SHOC2: variants seen among roughly 807,000 people sequenced by gnomAD.
The protein encoded by SHOC2 is SHOC2 leucine rich repeat scaffold protein, also known as leucine-rich repeat protein SHOC-2.
SHOC2 carries 4 observed loss-of-function variants against 50.2 expected under a neutral mutation model. The observed-to-expected ratio is 0.08, with a 90% confidence interval of 0.04 to 0.18. The LOEUF is 0.18. SHOC2 is among the 10% of genes least tolerant of loss of function. The pLI is 1.00. For synonymous variants in SHOC2, 218 were observed against 244.5 expected (o/e 0.89, Z 1.01); for missense variants, 388 against 669.6 (o/e 0.58, Z 4.64).
rs746934269 is a variant in SHOC2, at chr10:110,976,316, C to CTT, written c.704-9300_704-9299dup. ...GTTTATTTTAAAATCTTTATTTTGC[C>CTT]TTTTTTTTTTTTTGAGGCAGGATCT... On this transcript the variant is annotated intron_variant, in intron 2 of 8. Transcript: ENST00000369452. 7.0e-5 allele frequency among the ~76,000 whole-genome samples: 10 copies of CTT among 142,918 alleles called. 1 individual carries two copies. In the East Asian group the frequency reaches 1.8e-3, roughly 26 times the overall value. The allele number at this position is 142,918 out of a possible 152,430, so 93.8% of individuals were successfully genotyped here. A position where few individuals can be genotyped will look rare whatever the true frequency, so the allele number is the denominator to read the frequency against.
intron 1 of SHOC2, among the ~76,000 whole-genome samples, chr10:110,930,140 G>T (rs1846862037): frequency 6.6e-6 from 1 of 152,064 alleles, no homozygotes; most frequent in Non-Finnish European, 1.5e-5. Flanking sequence ...AATTATAAAA[G>T]TTCTATTTAA....
intron 1 of SHOC2, among the ~76,000 whole-genome samples, chr10:110,934,358 G>A (rs765776312): frequency 6.6e-5 from 10 of 152,102 alleles, no homozygotes; most frequent in Non-Finnish European, 1.3e-4. Flanking sequence ...ATTAAATTAT[G>A]ATATAGCCAT....
intron 1 of SHOC2, among the ~76,000 whole-genome samples, chr10:110,962,796 G>T (rs1279984261): frequency 6.6e-6 from 1 of 152,096 alleles, no homozygotes; most frequent in African/African-American, 2.4e-5. Flanking sequence ...ATTAATCCAG[G>T]ACTAGTTAGC....
At chr10:110,957,732 A>C (rs1187951616) in intron 1 of SHOC2, among the ~76,000 whole-genome samples, 1 of 152,118 alleles carries the variant, frequency 6.6e-6, no homozygotes, top group African/African-American at 2.4e-5. Flanking sequence ...TTAGGAATAC[A>C]ATTTAGATTG....
intron 4 of SHOC2, among the ~76,000 whole-genome samples, chr10:111,001,333 T>C (rs1403181268): frequency 6.6e-6 from 1 of 151,994 alleles, no homozygotes; most frequent in African/African-American, 2.4e-5. Flanking sequence ...TTTGTATTTT[T>C]AGTAGAGATG....
chr10:111,003,619 T>TA (rs1468362232), intron 4 of SHOC2, among the ~76,000 whole-genome samples: 2 of 152,180 alleles, frequency 1.3e-5, no homozygotes, highest in African/African-American at 2.4e-5. Context: ...TATTTAAAGA[T>TA]AGAGTCAGGA....
intron 1 of SHOC2, among the ~76,000 whole-genome samples, chr10:110,935,873 A>G (rs1355872241): frequency 1.3e-5 from 2 of 152,178 alleles, no homozygotes; most frequent in East Asian, 1.9e-4. Flanking sequence ...CAATTACATT[A>G]TATTCTATAG....
At chr10:111,006,553 G>A (rs1848471201) in intron 5 of SHOC2, among the ~76,000 whole-genome samples, 1 of 152,066 alleles carries the variant, frequency 6.6e-6, no homozygotes, top group Non-Finnish European at 1.5e-5. Context: ...TGTATTTTTA[G>A]TAGAGACGGG....
At chr10:110,939,570 G>A (rs115221476) in intron 1 of SHOC2, among the ~76,000 whole-genome samples, 2,048 of 152,176 alleles carry the variant, frequency 0.013, 17 homozygotes, top group Middle Eastern at 0.024. Context: ...GTAAGATATC[G>A]AGTCATCCAT....
intron 3 of SHOC2, among the ~76,000 whole-genome samples, chr10:110,986,413 A>G (rs1848077200): frequency 6.6e-6 from 1 of 152,230 alleles, no homozygotes; most frequent in Non-Finnish European, 1.5e-5. Context: ...TTTATTTAGA[A>G]AAATTACATC....
chr10:111,004,678 G>A lies in SHOC2; in HGVS notation c.1045G>A (p.Gly349Ser). Reference sequence around the variant, plus strand: ...AAATTGCTTCCAGTTGTATCCAGTGGGTGGTCCATCTCAGTTTTCTACCAT... The same window carrying A: ...AAATTGCTTCCAGTTGTATCCAGTGAGTGGTCCATCTCAGTTTTCTACCAT... Reference protein sequence around the residue: ...ARNCFQLYPVGGPSQFSTIYS... With the variant: ...ARNCFQLYPVSGPSQFSTIYS... Residue 349 changes from glycine (G) to serine (S), a missense_variant, in exon 5 of 9, where the codon GGT (glycine) becomes AGT (serine). Physicochemically the swap from Gly to Ser is moderately conservative, Grantham distance 56. Around this residue, in one of 5 missense-constraint regions of SHOC2, gnomAD observed 48 missense variants for 151.6 expected, o/e 0.32. Transcript: ENST00000369452. 6.2e-7 allele frequency: 1 copy of A among 1,612,770 alleles called. No individual in the cohort carries two copies. Among genetic ancestry groups the A allele is most frequent in the Non-Finnish European group, 8.5e-7 (1 of 1,178,858 alleles).
rs371076409 is a variant in SHOC2 at position 110,943,230 on chromosome 10, C to G, written c.-234-20895C>G. 3.2e-3 allele frequency among the ~76,000 whole-genome samples: 481 copies of G among 151,368 alleles called. 25 individuals are homozygous for G. In the South Asian group the frequency reaches 0.093, roughly 29 times the overall value. ...TCACTTCATGATATTCCACAGGTCT[C>G]TGAGGCTCCGTTTCTTTTTCTTTAT... On this transcript the variant is annotated intron_variant, in intron 1 of 8. Transcript: ENST00000369452.
chr10:110,948,397 A>C (rs1847289157), intron 1 of SHOC2, among the ~76,000 whole-genome samples: 1 of 152,250 alleles, frequency 6.6e-6, no homozygotes, highest in Admixed American at 6.5e-5. Flanking sequence ...TGGACGTAAC[A>C]GGCATATACA....
intron 8 of SHOC2, among the ~76,000 whole-genome samples, chr10:111,011,185 TTACATC>T (rs1247773289): frequency 6.6e-6 from 1 of 152,216 alleles, no homozygotes; most frequent in African/African-American, 2.4e-5. Context: ...TGAGAAAATG[TTACATC>T]TACAACAGAA....
At chr10:110,995,640 G>T (rs2134162394) in intron 3 of SHOC2, among the ~76,000 whole-genome samples, 1 of 152,302 alleles carries the variant, frequency 6.6e-6, no homozygotes, top group South Asian at 2.1e-4. Flanking sequence ...TAAAGTCCCT[G>T]CTGATTACCC....
rs1239514384 is a variant in SHOC2, at chr10:110,964,302, T to C, written c.-57T>C. Reference sequence around the variant, plus strand: ...GGATCTTTGTCTCTTCATCTTTGAATTCAATTACTGGAAAATAAAAGGAGT... The same window carrying C: ...GGATCTTTGTCTCTTCATCTTTGAACTCAATTACTGGAAAATAAAAGGAGT... On this transcript the variant is annotated 5_prime_UTR_variant, in exon 2 of 9. Coordinates refer to ENST00000369452, the MANE Select transcript of SHOC2 (RefSeq NM_007373.4). This position sits in a 1 kb window ranked among gnomAD's most constrained non-coding sequence, Gnocchi z 4.9. The C allele has an allele frequency of 7.0e-6, 11 of 1,582,420 alleles. No homozygotes were observed. The South Asian group carries it at 1.1e-4, about 17-fold the overall frequency.
chr10:110,979,664 T>G (rs1847937592), intron 2 of SHOC2, among the ~76,000 whole-genome samples: 1 of 152,194 alleles, frequency 6.6e-6, no homozygotes, highest in East Asian at 1.9e-4. Flanking sequence ...AGCTTTCTCT[T>G]AGGACAAAAA....
chr10:110,961,185 T>C (rs935858394), intron 1 of SHOC2, among the ~76,000 whole-genome samples: 3 of 152,182 alleles, frequency 2.0e-5, no homozygotes, highest in Admixed American at 6.5e-5. Flanking sequence ...ATTTCAAGCA[T>C]TTTGAGACTG....
intron 1 of SHOC2, among the ~76,000 whole-genome samples, chr10:110,922,650 T>A (rs1846678734): frequency 6.6e-6 from 1 of 152,030 alleles, no homozygotes; most frequent in African/African-American, 2.4e-5. Flanking sequence ...GATTAATGCT[T>A]ATAACAAAAT....
Sources: allele counts gnomAD v4.1 joint callset (sites outside exome capture counted in the v4.1 genomes callset), GRCh38; gene constraint gnomAD v4.1.1; regional missense constraint gnomAD v4.1.1; non-coding constraint Gnocchi (gnomAD v3.1); transcripts MANE v1.5; gene names NCBI Gene and HGNC (gene_info 2026-07-23, HGNC 2026-07-21).